PCED1B: variants seen among roughly 807,000 people sequenced by gnomAD.
The protein encoded by PCED1B is PC-esterase domain containing 1B.
For missense variants in PCED1B, 573 were observed against 573.9 expected, an observed-to-expected ratio of 1.00 and a Z score of 0.02; for synonymous variants, 251 against 246.1, an observed-to-expected ratio of 1.02 and a Z score of -0.19.
At chr12:47,137,679 A>C (rs1455201932) in intron 2 of PCED1B, among the ~76,000 whole-genome samples, 1 of 150,970 alleles carries the variant, frequency 6.6e-6, no homozygotes, top group African/African-American at 2.4e-5. Flanking sequence ...ATTGAGCTGA[A>C]ATCATGCCAC....
intron 2 of PCED1B, among the ~76,000 whole-genome samples, chr12:47,193,528 A>G (rs1260733118): frequency 6.6e-6 from 1 of 152,200 alleles, no homozygotes; most frequent in African/African-American, 2.4e-5. Context: ...GTTAGGGTGT[A>G]GGATTTTGGC....
At chr12:47,168,184 T>G (rs1214126526) in intron 2 of PCED1B, among the ~76,000 whole-genome samples, 1 of 152,240 alleles carries the variant, frequency 6.6e-6, no homozygotes, top group Non-Finnish European at 1.5e-5. Flanking sequence ...CTTATCACAA[T>G]CTATCTGGTC....
chr12:47,160,261 C>CT (rs1378968732), intron 2 of PCED1B, among the ~76,000 whole-genome samples: 2 of 118,868 alleles, frequency 1.7e-5, no homozygotes, highest in Middle Eastern at 4.5e-3. Context: ...GGCTGTTTTT[C>CT]TTTTCTTTTC....
chr12:47,092,762 A>G (rs1373253160), intron 1 of PCED1B, among the ~76,000 whole-genome samples: 1 of 152,072 alleles, frequency 6.6e-6, no homozygotes, highest in African/African-American at 2.4e-5. Context: ...TGCATTTGAG[A>G]TGATTGTATG....
At chr12:47,122,060 C>T (rs1197936663) in intron 2 of PCED1B, among the ~76,000 whole-genome samples, 3 of 149,500 alleles carry the variant, frequency 2.0e-5, no homozygotes, top group Non-Finnish European at 3.0e-5. Flanking sequence ...CTGAACTTCC[C>T]TTTTTTTTTC....
Position 47,086,046 on chromosome 12 carries a change from G to C in PCED1B, c.-609+6321G>C, listed in dbSNP as rs573550272. Among the ~76,000 whole-genome samples, 3 of 152,280 alleles carry C rather than the reference G, an allele frequency of 2.0e-5. No homozygotes were observed. The South Asian group carries it at 6.2e-4, about 32-fold the overall frequency. On this transcript the variant is annotated intron_variant, in intron 1 of 3. Coordinates refer to ENST00000546455, the MANE Select transcript of PCED1B (RefSeq NM_138371.3). ...TGTGCTAGGCGCTATTCTTTAGTCT[G>C]AGAATTATAGCCATGCATAAATGCT...
At chr12:47,220,800 A>G (rs954270032) in intron 3 of PCED1B, among the ~76,000 whole-genome samples, 1 of 152,222 alleles carries the variant, frequency 6.6e-6, no homozygotes, top group African/African-American at 2.4e-5. Context: ...AGAGTAGGGA[A>G]GGCTCTCTGA....
intron 3 of PCED1B, among the ~76,000 whole-genome samples, chr12:47,234,720 C>T (rs1943917028): frequency 6.6e-6 from 1 of 152,204 alleles, no homozygotes; most frequent in African/African-American, 2.4e-5. Context: ...CTTGGCTCCT[C>T]CCCACCAGGT....
At chr12:47,202,252 T>C (rs1220995370) in intron 2 of PCED1B, among the ~76,000 whole-genome samples, 2 of 152,132 alleles carry the variant, frequency 1.3e-5, no homozygotes, top group African/African-American at 4.8e-5. Context: ...CAATAGAACA[T>C]TCTAAGCTTC....
chr12:47,133,926 C>T (rs1940237239), intron 2 of PCED1B, among the ~76,000 whole-genome samples: 1 of 152,156 alleles, frequency 6.6e-6, no homozygotes, highest in Non-Finnish European at 1.5e-5. Flanking sequence ...TCTCTTTCTG[C>T]CATGTGAGGA....
chr12:47,137,669 A>G (rs1364884112), intron 2 of PCED1B, among the ~76,000 whole-genome samples: 1 of 149,476 alleles, frequency 6.7e-6, no homozygotes, highest in African/African-American at 2.5e-5. Flanking sequence ...TTGAGGCTGC[A>G]TTGAGCTGAA....
intron 2 of PCED1B, among the ~76,000 whole-genome samples, chr12:47,215,947 G>A (rs73295522): frequency 0.059 from 8,909 of 151,994 alleles, 829 homozygotes; most frequent in African/African-American, 0.2. Context: ...ACAGCTACTC[G>A]GAGCCTGAAG....
chr12:47,232,562 C>A (rs1326182638), intron 3 of PCED1B, among the ~76,000 whole-genome samples: 3 of 152,128 alleles, frequency 2.0e-5, no homozygotes, highest in African/African-American at 4.8e-5. Context: ...AAATTTCAAG[C>A]CGCACCGGAT....
rs1372888215 is a variant in PCED1B at position 47,181,399 on chromosome 12, C to T, written c.-525-34823C>T. ...TTTTTTTTTTTTTGAGATGGATTTTCACTCTTGTTGCCCAGGCTGGAGTGC... is the reference window on the plus strand; with the variant it reads ...TTTTTTTTTTTTTGAGATGGATTTTTACTCTTGTTGCCCAGGCTGGAGTGC... On this transcript the variant is annotated intron_variant, in intron 2 of 3. Transcript: ENST00000546455. Among the ~76,000 whole-genome samples, 4 of 145,996 alleles carry T rather than the reference C, an allele frequency of 2.7e-5. No individual in the cohort carries two copies. In the East Asian group the frequency reaches 7.9e-4, roughly 29 times the overall value.
At chr12:47,088,449 C>G (rs1346144363) in intron 1 of PCED1B, among the ~76,000 whole-genome samples, 5 of 152,180 alleles carry the variant, frequency 3.3e-5, no homozygotes, top group African/African-American at 9.7e-5. Flanking sequence ...CTAGGCTTCT[C>G]AAAACCCCTG....
chr12:47,185,108 T>C (rs184741383), intron 2 of PCED1B, among the ~76,000 whole-genome samples: 5 of 152,300 alleles, frequency 3.3e-5, no homozygotes, highest in Admixed American at 3.3e-4. Flanking sequence ...TCCAGGTAGA[T>C]GAAAGGCAGG....
intron 2 of PCED1B, among the ~76,000 whole-genome samples, chr12:47,203,504 A>C (rs542923705): frequency 8.6e-5 from 13 of 151,810 alleles, no homozygotes; most frequent in African/African-American, 3.1e-4. Flanking sequence ...GTTGTTCCCT[A>C]CCCTTGGTGT....
At chr12:47,218,863 GA>G (rs1196974347) in intron 3 of PCED1B, among the ~76,000 whole-genome samples, 3 of 151,916 alleles carry the variant, frequency 2.0e-5, no homozygotes, top group Admixed American at 6.6e-5. Flanking sequence ...GCCGCCTGTG[GA>G]AAAAGGTGAC....
At chr12:47,195,188 G>A (rs931822535) in intron 2 of PCED1B, among the ~76,000 whole-genome samples, 3 of 152,040 alleles carry the variant, frequency 2.0e-5, no homozygotes, top group African/African-American at 7.2e-5. Context: ...AATCAGCCGA[G>A]CATGGTGGTA....
Sources: gnomAD v4.1 joint callset for allele counts (sites outside exome capture counted in the v4.1 genomes callset) on GRCh38, gnomAD v4.1.1 for gene constraint, MANE v1.5 for transcripts, NCBI Gene and HGNC (gene_info 2026-07-23, HGNC 2026-07-21) for gene names.